Variants in PPP2R2A observed in about 807,000 individuals in gnomAD.
PPP2R2A encodes serine/threonine-protein phosphatase 2A 55 kDa regulatory subunit B alpha isoform.
In PPP2R2A, 9 loss-of-function variants were observed where a neutral mutation model predicts 53.2. The ratio of observed to expected loss-of-function variants is 0.17; its 90% CI spans 0.10 to 0.30. PPP2R2A has a LOEUF of 0.30. Among genes scored for constraint, PPP2R2A ranks in the 10% least tolerant of loss-of-function variants. The probability of loss-of-function intolerance (pLI) is 1.00; values close to 1 mark genes in which losing one functional copy is unlikely to be tolerated. For synonymous variants in PPP2R2A, 169 were observed against 174.2 expected, an observed-to-expected ratio of 0.97 and a Z score of 0.23; for missense variants, 235 against 534.6, an observed-to-expected ratio of 0.44 and a Z score of 5.53.
rs1314015810 is a variant in PPP2R2A at position 26,354,935 on chromosome 8, G to A, written c.346+302G>A. On this transcript the variant is annotated intron_variant, in intron 4 of 9. Transcript: ENST00000380737. This position sits in a 1 kb window ranked among gnomAD's most constrained non-coding sequence, Gnocchi z 4.6. ...TTCTCAGTCTCGTAATCTTGGGCAG[G>A]TTACTAACACTGAATTGAATTTTCC... Among the ~76,000 whole-genome samples, 1 of 152,114 alleles carries A rather than the reference G, an allele frequency of 6.6e-6. No individual in the cohort carries two copies. Among genetic ancestry groups the A allele is most frequent in the Non-Finnish European group, 1.5e-5 (1 of 68,008 alleles).
At position 26,370,679 on chromosome 8, in the gene PPP2R2A, A is replaced by G. The variant is rs1057090988; in HGVS notation, c.*266A>G. 2.1e-6 allele frequency: 1 copy of G among 482,332 alleles called. No homozygotes were observed. The highest frequency in any genetic ancestry group is 3.8e-6 in the Non-Finnish European group (1 of 263,950). 29.9% of individuals were successfully genotyped at this position (482,332 alleles called of 1,614,324 possible). On this transcript the variant is annotated 3_prime_UTR_variant, in exon 10 of 10. Coordinates refer to ENST00000380737, the MANE Select transcript of PPP2R2A (RefSeq NM_002717.4). This position sits in a 1 kb window ranked among gnomAD's most constrained non-coding sequence, Gnocchi z 6.1. ...CTTGCACCATCTTGCCTAATGGACT[A>G]GATTGGACTGTATCAACATTGATTT...
Position 26,354,377 on chromosome 8 carries a change from G to T in PPP2R2A, c.181-91G>T. 9.6e-7 allele frequency: 1 copy of T among 1,043,412 alleles called. No individual in the cohort carries two copies. The allele number at this position is 1,043,412 out of a possible 1,614,324, so 64.6% of individuals were successfully genotyped here. A position where few individuals can be genotyped will look rare whatever the true frequency, so the allele number is the denominator to read the frequency against. Reference sequence around the variant, plus strand: ...AAAGACACAACTAATGGGGTATTGAGAATGTGCAGGGTCCTTTGGAATTGA... The same window carrying T: ...AAAGACACAACTAATGGGGTATTGATAATGTGCAGGGTCCTTTGGAATTGA... On this transcript the variant is annotated intron_variant, in intron 3 of 9. Coordinates refer to ENST00000380737, the MANE Select transcript of PPP2R2A (RefSeq NM_002717.4). This position sits in a 1 kb window ranked among gnomAD's most constrained non-coding sequence, Gnocchi z 4.6.
intron 3 of PPP2R2A, among the ~76,000 whole-genome samples, chr8:26,343,391 A>G (rs1265176038): frequency 1.4e-5 from 2 of 143,770 alleles, no homozygotes; most frequent in African/African-American, 2.6e-5. Flanking sequence ...TTTTTTTTTG[A>G]GATGGAGTCT....
At chr8:26,367,309 G>A (rs1212760816) in intron 9 of PPP2R2A, among the ~76,000 whole-genome samples, 2 of 151,764 alleles carry the variant, frequency 1.3e-5, no homozygotes, top group African/African-American at 4.8e-5. Context: ...GGAAAGGGAA[G>A]AAGAAAAAAA....
At chr8:26,309,836 G>A (rs931026248) in intron 2 of PPP2R2A, among the ~76,000 whole-genome samples, 6 of 152,020 alleles carry the variant, frequency 3.9e-5, no homozygotes, top group Non-Finnish European at 8.8e-5. Context: ...GTCTTATGGA[G>A]GTGCTTCATG....
Position 26,313,079 on chromosome 8 carries a change from C to T in PPP2R2A, c.82+19339C>T, listed in dbSNP as rs367903862. 4.0e-5 allele frequency among the ~76,000 whole-genome samples: 6 copies of T among 150,260 alleles called. No individual in the cohort carries two copies. In the East Asian group the frequency reaches 1.2e-3, roughly 29 times the overall value. ...TTTGAGATGAAATCTTGTTCTGTCG[C>T]CCAGGCTGGAGTGGCACCATCTTGG... is the stretch of plus-strand genomic sequence containing the variant. On this transcript the variant is annotated intron_variant, in intron 2 of 9. Transcript: ENST00000380737.
chr8:26,358,423 C>G (rs1804906191), intron 4 of PPP2R2A, among the ~76,000 whole-genome samples: 1 of 152,148 alleles, frequency 6.6e-6, no homozygotes, highest in South Asian at 2.1e-4. Context: ...CTAAATAACA[C>G]ATAGAAAATC....
chr8:26,292,240 G>C, intron 1 of PPP2R2A: 2 of 1,039,608 alleles, frequency 1.9e-6, no homozygotes, highest in Non-Finnish European at 2.3e-6. Flanking sequence ...CCTGCTGCAA[G>C]CCTTCTTGGG....
At chr8:26,292,985 A>C in intron 1 of PPP2R2A, 1 of 405,574 alleles carries the variant, frequency 2.5e-6, no homozygotes, top group Non-Finnish European at 4.4e-6. Context: ...AAATGAAATG[A>C]GATTAAAATT....
In PPP2R2A at chr8:26,291,775, C is replaced by A. The variant is rs761356400; in HGVS notation, c.-45C>A. 31 of 1,590,676 alleles carry A rather than the reference C, an allele frequency of 1.9e-5. No individual in the cohort carries two copies. The highest frequency in any genetic ancestry group is 2.6e-5 in the Non-Finnish European group (30 of 1,169,862). Reference sequence around the variant, plus strand: ...AGGTGAGGGGGGTGAGTTCAGGAAGCGGAGACCCCGAGGAACCCAGCAGGG... The same window carrying A: ...AGGTGAGGGGGGTGAGTTCAGGAAGAGGAGACCCCGAGGAACCCAGCAGGG... On this transcript the variant is annotated 5_prime_UTR_variant, in exon 1 of 10. Transcript: ENST00000380737.
chr8:26,299,322 A>G lies in PPP2R2A; in HGVS notation c.82+5582A>G. The stretch of plus-strand genomic sequence containing the variant: ...AGTTATTTTAATTATTTTAATGTAG[A>G]TTTTTCATTGTTTAGTAATCTTAAA... On this transcript the variant is annotated intron_variant, in intron 2 of 9. Transcript: ENST00000380737. Among the ~76,000 whole-genome samples the G allele has an allele frequency of 2.0e-5, 3 of 152,178 alleles. No individual in the cohort carries two copies. The South Asian group carries it at 6.2e-4, about 32-fold the overall frequency.
chr8:26,363,066 A>G (rs190986597), intron 7 of PPP2R2A: 2 of 488,184 alleles, frequency 4.1e-6, no homozygotes, highest in Admixed American at 3.6e-5. Flanking sequence ...CAAGGAATAT[A>G]TCTCTCATGG....
At chr8:26,292,310 TG>T in intron 1 of PPP2R2A, 1 of 988,578 alleles carries the variant, frequency 1.0e-6, no homozygotes, top group Non-Finnish European at 1.2e-6. Context: ...TAAAATACAG[TG>T]GGGGCATATG....
At chr8:26,344,105 C>G (rs1266155401) in intron 3 of PPP2R2A, among the ~76,000 whole-genome samples, 2 of 152,206 alleles carry the variant, frequency 1.3e-5, no homozygotes, top group African/African-American at 4.8e-5. Context: ...GCCACACATC[C>G]TGATTTCTAC....
chr8:26,315,052 G>A (rs1192484707), intron 2 of PPP2R2A, among the ~76,000 whole-genome samples: 4 of 151,824 alleles, frequency 2.6e-5, no homozygotes, highest in Non-Finnish European at 2.9e-5. Context: ...AAGCAGCCCC[G>A]GTTTTATAAA....
rs1228670922 is a variant in PPP2R2A at position 26,338,413 on chromosome 8, A to C, written c.83-477A>C. ...TATTTGCAAACACTTGTTTGAAGCC[A>C]TGATTTTGAATTTATGACTTAAAAT... On this transcript the variant is annotated intron_variant, in intron 2 of 9. Coordinates refer to ENST00000380737, the MANE Select transcript of PPP2R2A (RefSeq NM_002717.4). This position sits in a 1 kb window ranked among gnomAD's most constrained non-coding sequence, Gnocchi z 4.5. 6.6e-6 allele frequency among the ~76,000 whole-genome samples: 1 copy of C among 152,222 alleles called. No homozygotes were observed. The highest frequency in any genetic ancestry group is 1.5e-5 in the Non-Finnish European group (1 of 68,028).
intron 2 of PPP2R2A, among the ~76,000 whole-genome samples, chr8:26,309,541 A>G (rs886931741): frequency 6.6e-5 from 10 of 152,350 alleles, no homozygotes; most frequent in Non-Finnish European, 1.3e-4. Context: ...GAAGCCAGGC[A>G]TCAGCTTCTC....
rs1804665246 is a variant in PPP2R2A, at chr8:26,354,315, G to A, written c.181-153G>A. 1 of 487,010 alleles carries A rather than the reference G, an allele frequency of 2.1e-6. No homozygotes were observed. Among genetic ancestry groups the A allele is most frequent in the Non-Finnish European group, 3.3e-6 (1 of 303,922 alleles). 30.2% of individuals were successfully genotyped at this position (487,010 alleles called of 1,614,324 possible). On this transcript the variant is annotated intron_variant, in intron 3 of 9. Coordinates refer to ENST00000380737, the MANE Select transcript of PPP2R2A (RefSeq NM_002717.4). The surrounding 1 kb of genome is among the most constrained non-coding windows in gnomAD (Gnocchi z 4.6). ...TAAGTTTTCTCATTTAATCCTTGAA[G>A]GCCTTTAGAAATATAAAAAACAGAA...
intron 2 of PPP2R2A, 162 bp downstream of exon 2, chr8:26,293,902 TA>T: frequency 1.6e-6 from 1 of 644,604 alleles, no homozygotes; most frequent in Non-Finnish European, 2.6e-6. Context: ...AAAACAGCCT[TA>T]AATTTCATTT....
Sources: gnomAD v4.1 joint callset for allele counts (sites outside exome capture counted in the v4.1 genomes callset) on GRCh38, gnomAD v4.1.1 for gene constraint, Gnocchi (gnomAD v3.1) non-coding constraint, MANE v1.5 for transcripts, NCBI Gene and HGNC (gene_info 2026-07-23, HGNC 2026-07-21) for gene names.